Variants in CELF4 observed in about 807,000 individuals in gnomAD.
The protein encoded by CELF4 is CUG-BP- and ETR-3-like factor 4.
CELF4 carries 18 observed loss-of-function variants against 59.9 expected under a neutral mutation model. That is an observed-to-expected ratio of 0.30 (90% CI 0.21 to 0.45). The LOEUF (loss-of-function observed/expected upper bound fraction) is 0.45, where lower values mean the gene tolerates loss of function less well. Among genes scored for constraint, CELF4 ranks in the 20% least tolerant of loss-of-function variants. CELF4 has a pLI of 1.00. For synonymous variants in CELF4, 261 were observed against 267.1 expected (o/e 0.98, Z 0.22); for missense variants, 456 against 689.0 (o/e 0.66, Z 3.79).
At chr18:37,532,639 A>G (rs2099970446) in intron 1 of CELF4, among the ~76,000 whole-genome samples, 1 of 152,236 alleles carries the variant, frequency 6.6e-6, no homozygotes, top group Admixed American at 6.5e-5. Flanking sequence ...AAAATTAAAA[A>G]AAAAAAAGGT....
chr18:37,477,419 G>T (rs1203026603), intron 2 of CELF4, among the ~76,000 whole-genome samples: 2 of 152,214 alleles, frequency 1.3e-5, no homozygotes, highest in Admixed American at 6.5e-5. Flanking sequence ...CGTGCATCTG[G>T]AGGGTTTGTG....
chr18:37,387,465 C>T (rs1309843551), intron 2 of CELF4, among the ~76,000 whole-genome samples: 1 of 152,210 alleles, frequency 6.6e-6, no homozygotes, highest in Non-Finnish European at 1.5e-5. Flanking sequence ...GGCTGTTGTT[C>T]AATCCTGGAG....
chr18:37,318,807 G>A (rs2096967884), intron 3 of CELF4, among the ~76,000 whole-genome samples: 1 of 152,174 alleles, frequency 6.6e-6, no homozygotes, highest in Non-Finnish European at 1.5e-5. Context: ...TTAGAGCCCA[G>A]CACGGCCTTG....
chr18:37,545,056 T>C (rs185181614), intron 1 of CELF4, among the ~76,000 whole-genome samples: 7 of 152,180 alleles, frequency 4.6e-5, no homozygotes, highest in Admixed American at 6.5e-5. Flanking sequence ...CCCACCAGAA[T>C]CCCAGGAGAT....
At position 37,270,648 on chromosome 18, in the gene CELF4, G is replaced by A; in HGVS notation, c.1099+120C>T. 7 of 1,232,958 alleles carry A rather than the reference G, an allele frequency of 5.7e-6. 1 individual carries two copies. In the Admixed American group the frequency reaches 1.2e-4, roughly 22 times the overall value. The allele number at this position is 1,232,958 out of a possible 1,614,324, so 76.4% of individuals were successfully genotyped here. On this transcript the variant is annotated intron_variant, in intron 8 of 12. Transcript: ENST00000420428. The stretch of plus-strand genomic sequence containing the variant: ...GGCTGGCCCTCTCTGATCACACTTG[G>A]GGTTTCATCAAGGAATGGACAGAGG...
At chr18:37,362,134 C>T (rs1289340880) in intron 2 of CELF4, among the ~76,000 whole-genome samples, 1 of 152,108 alleles carries the variant, frequency 6.6e-6, no homozygotes, top group Non-Finnish European at 1.5e-5. Flanking sequence ...ACATCCCCAG[C>T]CCTGCAGTCA....
intron 1 of CELF4, among the ~76,000 whole-genome samples, chr18:37,535,127 C>G (rs138432979): frequency 3.9e-5 from 6 of 152,302 alleles, no homozygotes. Context: ...CTCCCTGCAC[C>G]CAGGTCTTCT....
downstream of CELF4, chr18:37,242,965 C>T (rs1370608432): frequency 6.6e-6 from 1 of 152,240 alleles, no homozygotes; most frequent in Admixed American, 6.5e-5. Flanking sequence ...ACCAAAGCTA[C>T]TTCCAGTGGG....
At chr18:37,345,528 G>A (rs1380882395) in intron 2 of CELF4, among the ~76,000 whole-genome samples, 1 of 152,070 alleles carries the variant, frequency 6.6e-6, no homozygotes, top group Non-Finnish European at 1.5e-5. Flanking sequence ...ACCAGCACAT[G>A]GTAGATGCTC....
intron 2 of CELF4, among the ~76,000 whole-genome samples, chr18:37,344,294 AC>A (rs777488668): frequency 9.2e-5 from 14 of 152,240 alleles, no homozygotes; most frequent in Non-Finnish European, 1.9e-4. Context: ...GACGTGGCTT[AC>A]ACATGGCAAG....
rs114316262 is a variant in CELF4 at position 37,308,447 on chromosome 18, G to A, written c.448+13356C>T. Among the ~76,000 whole-genome samples, 1,114 of 152,290 alleles carry A rather than the reference G, an allele frequency of 7.3e-3. 21 individuals are homozygous for A. The highest frequency in any genetic ancestry group is 0.025 in the African/African-American group (1,048 of 41,556). ...CAGAGACCCTTCCCTGACTGCTCCA[G>A]CGGGCACAGGCCACCCCTCTGCCAT... On this transcript the variant is annotated intron_variant, in intron 3 of 12. Coordinates refer to ENST00000420428, the MANE Select transcript of CELF4 (RefSeq NM_020180.4).
chr18:37,466,422 G>C (rs1220106348), intron 2 of CELF4, among the ~76,000 whole-genome samples: 3 of 151,994 alleles, frequency 2.0e-5, no homozygotes, highest in African/African-American at 7.3e-5. Flanking sequence ...TCATGGGGTG[G>C]GGGTGGGGAT....
chr18:37,425,516 C>T (rs1019792682), intron 2 of CELF4, among the ~76,000 whole-genome samples: 6 of 152,190 alleles, frequency 3.9e-5, no homozygotes, highest in Admixed American at 6.5e-5. Context: ...ACCTGAGACC[C>T]AAAGAATTCA....
intron 2 of CELF4, among the ~76,000 whole-genome samples, chr18:37,323,948 C>T (rs1215076177): frequency 2.0e-5 from 3 of 152,064 alleles, no homozygotes; most frequent in Admixed American, 2.0e-4. Flanking sequence ...GAGGAGAGGA[C>T]CAAGGAGGAA....
At chr18:37,512,152 G>A (rs975899077) in intron 1 of CELF4, among the ~76,000 whole-genome samples, 2 of 152,188 alleles carry the variant, frequency 1.3e-5, no homozygotes, top group Non-Finnish European at 2.9e-5. Flanking sequence ...GGGGGCGAGA[G>A]TGTTTCCCTC....
rs117151381 is a variant in CELF4 at position 37,557,200 on chromosome 18, T to C, written c.286+8156A>G. Among the ~76,000 whole-genome samples the C allele has an allele frequency of 2.4e-3, 360 of 152,366 alleles. 1 individual carries two copies. Among genetic ancestry groups the C allele is most frequent in the Non-Finnish European group, 3.9e-3 (263 of 68,032 alleles). On this transcript the variant is annotated intron_variant, in intron 1 of 12. Coordinates refer to ENST00000420428, the MANE Select transcript of CELF4 (RefSeq NM_020180.4). ...TGATCCCACAATATTTATGTGGATG[T>C]GCACATAGTCGCTTGTGCACGTGCA...
intron 3 of CELF4, among the ~76,000 whole-genome samples, chr18:37,312,295 T>C (rs1488886381): frequency 2.6e-5 from 4 of 152,100 alleles, no homozygotes; most frequent in Non-Finnish European, 5.9e-5. Context: ...AAGGAAGTCA[T>C]ACCCTGGGCG....
chr18:37,390,621 G>A (rs968493235), intron 2 of CELF4, among the ~76,000 whole-genome samples: 1 of 152,060 alleles, frequency 6.6e-6, no homozygotes, highest in African/African-American at 2.4e-5. Context: ...TAAGCTGGGG[G>A]CAGGGGGCTG....
chr18:37,483,293 T>C (rs1286335633), intron 2 of CELF4, among the ~76,000 whole-genome samples: 1 of 152,250 alleles, frequency 6.6e-6, no homozygotes, highest in Non-Finnish European at 1.5e-5. Flanking sequence ...TTTGTCTGCA[T>C]GCAGGTTTGT....
Sources: allele counts gnomAD v4.1 joint callset (sites outside exome capture counted in the v4.1 genomes callset), GRCh38; gene constraint gnomAD v4.1.1; transcripts MANE v1.5; gene names NCBI Gene and HGNC (gene_info 2026-07-23, HGNC 2026-07-21).